FGGY: variants seen among roughly 807,000 people sequenced by gnomAD.
The protein encoded by FGGY is FGGY carbohydrate kinase domain containing.
In FGGY, 72 loss-of-function variants were observed where a neutral mutation model predicts 71.3. That is an observed-to-expected ratio of 1.01 (90% CI 0.84 to 1.23). FGGY has a LOEUF of 1.23. FGGY is among the 50% of genes most tolerant of loss of function. The probability of loss-of-function intolerance (pLI) is 0.00; values close to 1 mark genes in which losing one functional copy is unlikely to be tolerated. For missense variants in FGGY, 668 were observed against 682.3 expected (o/e 0.98, Z 0.23); for synonymous variants, 251 against 250.3 (o/e 1.00, Z -0.02).
chr1:59,715,017 A>G (rs1192831789), intron 14 of FGGY, among the ~76,000 whole-genome samples: 1 of 152,160 alleles, frequency 6.6e-6, no homozygotes, highest in Non-Finnish European at 1.5e-5. Flanking sequence ...ACATTTCTGG[A>G]TGCCCTTTGT....
intron 7 of FGGY, among the ~76,000 whole-genome samples, chr1:59,543,535 T>A (rs2095477510): frequency 6.6e-6 from 1 of 152,226 alleles, no homozygotes. Flanking sequence ...TCAGATTTAA[T>A]TCCAAGCTGT....
intron 10 of FGGY, among the ~76,000 whole-genome samples, chr1:59,632,172 A>G (rs970742585): frequency 6.6e-5 from 10 of 152,248 alleles, no homozygotes; most frequent in African/African-American, 2.4e-4. Context: ...ACACACACAT[A>G]CATATATAAA....
rs115851589 is a variant in FGGY, at chr1:59,492,810, C to T, written c.671-19501C>T. On this transcript the variant is annotated intron_variant, in intron 6 of 15. Transcript: ENST00000303721. ...CAGCCAGTTTTACTATTTTCAGTCC[C>T]TCTTTACTCTCACTTCTAGAGATAT... 3.3e-3 allele frequency among the ~76,000 whole-genome samples: 504 copies of T among 151,714 alleles called. 2 individuals are homozygous for T. Among genetic ancestry groups the T allele is most frequent in the African/African-American group, 0.012 (481 of 41,104 alleles).
chr1:59,462,370 G>A (rs1388641491), intron 6 of FGGY, among the ~76,000 whole-genome samples: 4 of 152,064 alleles, frequency 2.6e-5, no homozygotes, highest in Non-Finnish European at 4.4e-5. Flanking sequence ...AGAAAACCTA[G>A]GCATTACCAT....
intron 8 of FGGY, among the ~76,000 whole-genome samples, chr1:59,580,781 C>A (rs2096179262): frequency 1.3e-5 from 2 of 152,114 alleles, no homozygotes; most frequent in Non-Finnish European, 2.9e-5. Flanking sequence ...ACTTCCTCTT[C>A]ATCACAAAAA....
chr1:59,468,808 C>T (rs538704642), intron 6 of FGGY, among the ~76,000 whole-genome samples: 1 of 149,332 alleles, frequency 6.7e-6, no homozygotes, highest in African/African-American at 2.5e-5. Context: ...GGAGGCGGAG[C>T]TTGCAGTGAG....
At chr1:59,317,922 G>A (rs1276537058) in intron 1 of FGGY, among the ~76,000 whole-genome samples, 1 of 152,208 alleles carries the variant, frequency 6.6e-6, no homozygotes, top group Non-Finnish European at 1.5e-5. Flanking sequence ...ACCTGGTGTT[G>A]TGGAAGGGTC....
chr1:59,576,653 TACAGACAGACAG>T (rs869282788), intron 8 of FGGY, among the ~76,000 whole-genome samples: 3 of 106,882 alleles, frequency 2.8e-5, no homozygotes, highest in South Asian at 4.0e-4. Context: ...TGCTAGAGAT[TACAGACAGACAG>T]ACAGACAGAC....
intron 7 of FGGY, among the ~76,000 whole-genome samples, chr1:59,519,798 T>C (rs1050420177): frequency 4.6e-5 from 7 of 152,202 alleles, no homozygotes; most frequent in African/African-American, 7.2e-5. Context: ...CATGAGGGAA[T>C]TGAAGGCAGA....
At chr1:59,720,762 A>G (rs2097884633) in intron 14 of FGGY, among the ~76,000 whole-genome samples, 1 of 152,216 alleles carries the variant, frequency 6.6e-6, no homozygotes, top group Non-Finnish European at 1.5e-5. Context: ...TTTTAAAAAA[A>G]GGCTGGAATA....
intron 15 of FGGY, among the ~76,000 whole-genome samples, chr1:59,759,562 C>A (rs1361455018): frequency 3.3e-5 from 5 of 152,212 alleles, no homozygotes; most frequent in Non-Finnish European, 5.9e-5. Context: ...TTCAGAGAGT[C>A]CTCCGCTGCT....
At chr1:59,531,135 A>G (rs1397541710) in intron 7 of FGGY, among the ~76,000 whole-genome samples, 2 of 152,234 alleles carry the variant, frequency 1.3e-5, no homozygotes, top group African/African-American at 4.8e-5. Context: ...AACAGAAGTA[A>G]GCAGAGTCTA....
chr1:59,667,236 T>C (rs1365211443), intron 12 of FGGY, 47 bp from the exon 13 acceptor site: 1 of 1,612,280 alleles, frequency 6.2e-7, no homozygotes, highest in East Asian at 2.2e-5. Flanking sequence ...TCCCTAGTGT[T>C]TACTTTTGTG....
At chr1:59,627,487 T>TAC (rs1278159442) in intron 10 of FGGY, among the ~76,000 whole-genome samples, 89 of 109,572 alleles carry the variant, frequency 8.1e-4, no homozygotes, top group African/African-American at 3.8e-3. Flanking sequence ...TATATATATA[T>TAC]ATACACACAC....
intron 8 of FGGY, among the ~76,000 whole-genome samples, chr1:59,592,841 C>T (rs184810818): frequency 7.1e-4 from 108 of 151,764 alleles, no homozygotes; most frequent in African/African-American, 2.4e-3. Flanking sequence ...TGCTAAATGA[C>T]GAGTTAATGG....
intron 8 of FGGY, among the ~76,000 whole-genome samples, chr1:59,601,423 C>T (rs1239874658): frequency 2.6e-5 from 4 of 152,316 alleles, no homozygotes; most frequent in South Asian, 4.1e-4. Flanking sequence ...ATGGCATGCA[C>T]TCATGGAGCC....
intron 4 of FGGY, among the ~76,000 whole-genome samples, chr1:59,362,042 T>C (rs372447472): frequency 8.5e-4 from 129 of 152,298 alleles, no homozygotes; most frequent in African/African-American, 3.1e-3. Context: ...CTGCCCTCCC[T>C]TCTCGATGCT....
At chr1:59,486,593 C>T (rs920727707) in intron 6 of FGGY, among the ~76,000 whole-genome samples, 6 of 152,142 alleles carry the variant, frequency 3.9e-5, no homozygotes, top group Non-Finnish European at 5.9e-5. Context: ...GTCTGTGCTC[C>T]CCTGTCTTGG....
intron 5 of FGGY, among the ~76,000 whole-genome samples, chr1:59,411,805 T>C (rs1300269202): frequency 6.6e-6 from 1 of 152,128 alleles, no homozygotes; most frequent in Non-Finnish European, 1.5e-5. Context: ...AGCTTTTCTA[T>C]CTTTCTGACA....
Sources: allele counts gnomAD v4.1 joint callset (sites outside exome capture counted in the v4.1 genomes callset), GRCh38; gene constraint gnomAD v4.1.1; transcripts MANE v1.5; gene names NCBI Gene and HGNC (gene_info 2026-07-23, HGNC 2026-07-21).